The following WASF2 variants were observed in gnomAD, a reference collection of about 807,000 sequenced individuals.
WASF2 encodes WASP family member 2.
Under a neutral mutation model 45.0 loss-of-function variants are expected in WASF2, and 14 were observed. The observed-to-expected ratio is 0.31, with a 90% CI of 0.21 to 0.49. The LOEUF (loss-of-function observed/expected upper bound fraction) is 0.49. WASF2 is among the 20% of genes least tolerant of loss of function. The pLI, the probability that WASF2 is intolerant of heterozygous loss-of-function variation, is 0.99. For synonymous variants in WASF2, 200 were observed against 236.3 expected (o/e 0.85, Z 1.41); for missense variants, 439 against 636.1 (o/e 0.69, Z 3.33).
chr1:27,406,086 C>CA lies in WASF2; in HGVS notation c.*2102dup, dbSNP rs2016670173. The CA allele has an allele frequency of 6.6e-6, 1 of 152,664 alleles. No individual in the cohort carries two copies. The highest frequency in any genetic ancestry group is 1.5e-5 in the Non-Finnish European group (1 of 68,084). 9.5% of individuals were successfully genotyped at this position (152,664 alleles called of 1,614,324 possible). A position where few individuals can be genotyped will look rare whatever the true frequency, so the allele number is the denominator to read the frequency against. ...CATTAGGCCCAAACCCTGGCCTGGC[C>CA]AGGCCCCAGGTCTCCTATTTGGGAG... On this transcript the variant is annotated 3_prime_UTR_variant, in exon 9 of 9. Transcript: ENST00000618852.
intron 1 of WASF2, among the ~76,000 whole-genome samples, chr1:27,442,539 T>C (rs2017252072): frequency 6.6e-6 from 1 of 151,516 alleles, no homozygotes; most frequent in African/African-American, 2.4e-5. Context: ...CGAGACTCCA[T>C]CTCAAAAAAA....
chr1:27,422,676 G>A (rs549608635), intron 2 of WASF2, among the ~76,000 whole-genome samples: 6 of 149,896 alleles, frequency 4.0e-5, no homozygotes, highest in South Asian at 4.2e-4. Context: ...ATTTATACTC[G>A]TGTACTCATC....
intron 1 of WASF2, among the ~76,000 whole-genome samples, chr1:27,435,538 G>A (rs1378378274): frequency 1.4e-5 from 2 of 147,514 alleles, no homozygotes; most frequent in Non-Finnish European, 3.0e-5. Flanking sequence ...CAGTGTGTAT[G>A]ATTGTGCCAC....
In WASF2 at chr1:27,418,331, A is replaced by G. The variant is rs760971966; in HGVS notation, c.357T>C (p.Pro119=). ...KLFDRNSLPV[P]VLETYNTCDT... ...CACAGGTATTGTATGTTTCTAAGAC[A>G]GGCACTGGGAGAGAGTTTCTGTCAA... is the stretch of plus-strand genomic sequence containing the variant. The change falls in exon 4 of 9, where the codon CCT becomes CCC. Residue 119 remains proline, a synonymous_variant. Transcript: ENST00000618852. 14 of 1,614,110 alleles carry G rather than the reference A, an allele frequency of 8.7e-6. No individual in the cohort carries two copies. The highest frequency in any genetic ancestry group is 5.0e-5 in the Admixed American group (3 of 60,010).
At position 27,435,104 on chromosome 1, in the gene WASF2, T is replaced by G. The variant is rs546397670; in HGVS notation, c.-43-6171A>C. ...CTGGGATTACAGGCATACAGCACCA[T>G]GCCCACTAATTTTTGTATTTTTAGT... is the stretch of plus-strand genomic sequence containing the variant. On this transcript the variant is annotated intron_variant, in intron 1 of 8. Coordinates refer to ENST00000618852, the MANE Select transcript of WASF2 (RefSeq NM_006990.5). Among the ~76,000 whole-genome samples, 4 of 152,190 alleles carry G rather than the reference T, an allele frequency of 2.6e-5. No homozygotes were observed. In the East Asian group the frequency reaches 7.7e-4, roughly 29 times the overall value.
intron 1 of WASF2, among the ~76,000 whole-genome samples, chr1:27,483,631 C>T (rs2017883541): frequency 6.6e-6 from 1 of 151,924 alleles, no homozygotes; most frequent in Non-Finnish European, 1.5e-5. Flanking sequence ...CAGAGTGAGA[C>T]TCCATCTCAA....
chr1:27,470,495 A>G (rs2017674163), intron 1 of WASF2, among the ~76,000 whole-genome samples: 1 of 152,192 alleles, frequency 6.6e-6, no homozygotes, highest in African/African-American at 2.4e-5. Flanking sequence ...AGAAGTCAAC[A>G]GTAACTAAGA....
At chr1:27,427,666 T>C (rs2017004405) in intron 2 of WASF2, among the ~76,000 whole-genome samples, 1 of 152,074 alleles carries the variant, frequency 6.6e-6, no homozygotes, top group South Asian at 2.1e-4. Context: ...CCATACATCA[T>C]CTGGTCATAG....
intron 1 of WASF2, among the ~76,000 whole-genome samples, chr1:27,484,242 T>A (rs916055712): frequency 2.0e-5 from 3 of 152,154 alleles, no homozygotes; most frequent in Admixed American, 6.6e-5. Context: ...TCCACCTCAC[T>A]CTACAGTAGA....
Position 27,414,817 on chromosome 1 carries a change from C to T in WASF2, c.668+16G>A. ...CCTTCAAAGAATGCTACCAACAGTA[C>T]AAAGGCATTACCTACCCAGAAGTCC... On this transcript the variant is annotated intron_variant, in intron 6 of 8. Coordinates refer to ENST00000618852, the MANE Select transcript of WASF2 (RefSeq NM_006990.5). This position sits in a 1 kb window ranked among gnomAD's most constrained non-coding sequence, Gnocchi z 4.1. 6.2e-7 allele frequency: 1 copy of T among 1,614,028 alleles called. No individual in the cohort carries two copies. Among genetic ancestry groups the T allele is most frequent in the Non-Finnish European group, 8.5e-7 (1 of 1,179,972 alleles).
chr1:27,465,513 C>T (rs2017602096), intron 1 of WASF2, among the ~76,000 whole-genome samples: 1 of 152,084 alleles, frequency 6.6e-6, no homozygotes, highest in South Asian at 2.1e-4. Context: ...TAGGTTTTCC[C>T]CCAATTAGCC....
At chr1:27,418,571 GC>G (rs2016858175) in intron 3 of WASF2, 149 bp from the exon 4 acceptor site, 1 of 1,084,270 alleles carries the variant, frequency 9.2e-7, no homozygotes, top group Non-Finnish European at 1.3e-6. Context: ...CTCTGGGGAA[GC>G]CCCACAAGGC....
At chr1:27,441,937 AAAAAG>A (rs2017242568) in intron 1 of WASF2, among the ~76,000 whole-genome samples, 2 of 150,082 alleles carry the variant, frequency 1.3e-5, no homozygotes, top group South Asian at 4.2e-4. Flanking sequence ...AAAAAAAAAA[AAAAAG>A]AAAGAAAGAA....
Position 27,405,783 on chromosome 1 carries a change from T to G in WASF2, c.*2406A>C, listed in dbSNP as rs1557592430. ...AGAGCGTCAGGCAGAGCTGTGCTGTTGCTCTCCGGGACTTGCAGATCATTA... is the reference window on the plus strand; with the variant it reads ...AGAGCGTCAGGCAGAGCTGTGCTGTGGCTCTCCGGGACTTGCAGATCATTA... On this transcript the variant is annotated 3_prime_UTR_variant, in exon 9 of 9. Transcript: ENST00000618852. The G allele has an allele frequency of 6.6e-6, 1 of 152,548 alleles. No homozygotes were observed. Among genetic ancestry groups the G allele is most frequent in the African/African-American group, 2.4e-5 (1 of 41,400 alleles). 9.4% of individuals were successfully genotyped at this position (152,548 alleles called of 1,614,324 possible). A position where few individuals can be genotyped will look rare whatever the true frequency, so the allele number is the denominator to read the frequency against.
intron 1 of WASF2, among the ~76,000 whole-genome samples, chr1:27,487,541 A>C (rs2017951901): frequency 9.8e-6 from 1 of 101,808 alleles, no homozygotes; most frequent in Non-Finnish European, 1.8e-5. Context: ...ACAATATATA[A>C]TATATATTAT....
At chr1:27,412,256 G>A (rs1447889265) in intron 7 of WASF2, among the ~76,000 whole-genome samples, 1 of 152,212 alleles carries the variant, frequency 6.6e-6, no homozygotes, top group Non-Finnish European at 1.5e-5. Context: ...ACTCAGGCTA[G>A]AGTGCAGTGG....
rs117664980 is a variant in WASF2 at position 27,463,120 on chromosome 1, G to A, written c.-44+26866C>T. Among the ~76,000 whole-genome samples, 31 of 152,278 alleles carry A rather than the reference G, an allele frequency of 2.0e-4. No individual in the cohort carries two copies. The East Asian group carries it at 4.4e-3, about 22-fold the overall frequency. ...CAGGCATGGGCCACTATGCCTGGCC[G>A]TTAGCTGCTTTTAGAGAATGGCAGA... is the stretch of plus-strand genomic sequence containing the variant. On this transcript the variant is annotated intron_variant, in intron 1 of 8. Coordinates refer to ENST00000618852, the MANE Select transcript of WASF2 (RefSeq NM_006990.5).
rs1384341972 is a variant in WASF2 at position 27,412,554 on chromosome 1, G to C, written c.824+18C>G. ...TGTATAACTACCAATAGTGGATGGAGTAGGTACCACCATTTACCTGAATTC... is the reference window on the plus strand; with the variant it reads ...TGTATAACTACCAATAGTGGATGGACTAGGTACCACCATTTACCTGAATTC... On this transcript the variant is annotated intron_variant, in intron 7 of 8. Transcript: ENST00000618852. The C allele has an allele frequency of 6.2e-7, 1 of 1,614,020 alleles. No homozygotes were observed. The highest frequency in any genetic ancestry group is 8.5e-7 in the Non-Finnish European group (1 of 1,179,874).
Position 27,419,012 on chromosome 1 carries a change from A to G in WASF2, c.207T>C (p.Ala69=), listed in dbSNP as rs550528926. 2.5e-6 allele frequency: 4 copies of G among 1,614,146 alleles called. No homozygotes were observed. The Admixed American group carries it at 6.7e-5, about 27-fold the overall frequency. ...NTFASRVSSL[A]ERVDRLQVKV... ...TAACCTGTAGTCGGTCGACCCTCTC[A>G]GCAAGGGAGCTTACCCGAGAGGCAA... Residue 69 remains alanine, a synonymous_variant, in exon 3 of 9, where the codon GCT becomes GCC. Coordinates refer to ENST00000618852, the MANE Select transcript of WASF2 (RefSeq NM_006990.5).
Sources: allele counts gnomAD v4.1 joint callset (sites outside exome capture counted in the v4.1 genomes callset), GRCh38; gene constraint gnomAD v4.1.1; non-coding constraint Gnocchi (gnomAD v3.1); transcripts MANE v1.5; gene names NCBI Gene and HGNC (gene_info 2026-07-23, HGNC 2026-07-21).